The following NNMT variants were observed in gnomAD, a reference collection of about 807,000 sequenced individuals.
NNMT encodes the protein nicotinamide N-methyltransferase.
In NNMT, 10 loss-of-function variants were observed where a neutral mutation model predicts 11.7. That is an observed-to-expected ratio of 0.85 (90% CI 0.53 to 1.45). The LOEUF (loss-of-function observed/expected upper bound fraction) is 1.45, where lower values mean the gene tolerates loss of function less well. NNMT is among the 40% of genes most tolerant of loss of function. NNMT has a pLI of 0.00. For synonymous variants in NNMT, 143 were observed against 133.8 expected, an observed-to-expected ratio of 1.07 and a Z score of -0.48; for missense variants, 381 against 319.4, an observed-to-expected ratio of 1.19 and a Z score of -1.47.
chr11:114,304,222 C>G (rs190852682), intron 2 of NNMT, among the ~76,000 whole-genome samples: 1 of 152,142 alleles, frequency 6.6e-6, no homozygotes, highest in East Asian at 1.9e-4. Context: ...GACAACACAC[C>G]TTGCCAAAGT....
At chr11:114,310,716 G>T (rs535169988) in intron 2 of NNMT, among the ~76,000 whole-genome samples, 1 of 152,324 alleles carries the variant, frequency 6.6e-6, no homozygotes, top group African/African-American at 2.4e-5. Flanking sequence ...ACAATGCTTT[G>T]CTGGTTAACT....
chr11:114,274,949 T>A (rs1945203915), intron 2 of NNMT, among the ~76,000 whole-genome samples: 1 of 152,160 alleles, frequency 6.6e-6, no homozygotes, highest in Non-Finnish European at 1.5e-5. Context: ...ATCGCTGGGA[T>A]TGGAGTTGGG....
intron 2 of NNMT, among the ~76,000 whole-genome samples, chr11:114,306,499 T>G (rs1289984594): frequency 1.3e-5 from 2 of 152,234 alleles, no homozygotes; most frequent in Non-Finnish European, 2.9e-5. Context: ...ATTTAAGTCT[T>G]TAATCCATCT....
At chr11:114,293,987 C>T (rs777974673), upstream of NNMT, among the ~76,000 whole-genome samples, 75 of 152,230 alleles carry the variant, frequency 4.9e-4, no homozygotes, top group Non-Finnish European at 9.6e-4. Flanking sequence ...TTTGCAATAA[C>T]ATGGATGGAA....
chr11:114,277,385 T>C (rs1945221918), intron 2 of NNMT, among the ~76,000 whole-genome samples: 1 of 152,234 alleles, frequency 6.6e-6, no homozygotes, highest in African/African-American at 2.4e-5. Context: ...GCTGACTTTA[T>C]ATATATGCAT....
chr11:114,277,084 G>T (rs548235989), intron 2 of NNMT, among the ~76,000 whole-genome samples: 1 of 152,036 alleles, frequency 6.6e-6, no homozygotes, highest in African/African-American at 2.4e-5. Flanking sequence ...ATTAGCTGGC[G>T]TTGGGGCTCA....
In NNMT at chr11:114,312,173, T is replaced by C. The variant is rs1482391482; in HGVS notation, c.491T>C (p.Leu164Pro). The C allele has an allele frequency of 6.2e-6, 10 of 1,614,112 alleles. No individual in the cohort carries two copies. In the Admixed American group the frequency reaches 1.3e-4, roughly 22 times the overall value. ...CCGGCTGACTGCGTGCTCAGCACAC[T>C]GTGTCTGGATGCCGCCTGCCCAGAC... ...LPPADCVLST[L>P]CLDAACPDLP... The change falls in exon 3 of 3, where the codon CTG becomes CCG. Residue 164 changes from leucine to proline, a missense_variant. Transcript: ENST00000299964.
intron 1 of NNMT, among the ~76,000 whole-genome samples, chr11:114,262,419 T>C (rs1945090538): frequency 6.6e-6 from 1 of 152,098 alleles, no homozygotes; most frequent in Non-Finnish European, 1.5e-5. Flanking sequence ...TGTGTTCTCA[T>C]TGTTCAGCTC....
chr11:114,312,399 G>T lies in NNMT; in HGVS notation c.717G>T (p.Ser239=), dbSNP rs143619391. 179 of 1,614,222 alleles carry T rather than the reference G, an allele frequency of 1.1e-4. No homozygotes were observed. The highest frequency in any genetic ancestry group is 1.6e-4 in the Middle Eastern group (1 of 6,062). ...GYTIEWFEVI[S]QSYSSTMANN... ...CAATCGAATGGTTTGAGGTGATCTC[G>T]CAAAGTTATTCTTCCACCATGGCCA... Residue 239 remains serine, a synonymous_variant, in exon 3 of 3, where the codon TCG becomes TCT. Transcript: ENST00000299964.
At chr11:114,294,921 A>G (rs968736599), upstream of NNMT, among the ~76,000 whole-genome samples, 6 of 152,232 alleles carry the variant, frequency 3.9e-5, no homozygotes, top group African/African-American at 1.2e-4. Flanking sequence ...CTTCCCAAAC[A>G]TGCTTTACTG....
At chr11:114,293,173 C>T (rs910907781), upstream of NNMT, among the ~76,000 whole-genome samples, 2 of 152,172 alleles carry the variant, frequency 1.3e-5, no homozygotes, top group African/African-American at 4.8e-5. Context: ...GTCTGTGCTC[C>T]AGCAGCAGTG....
At chr11:114,307,169 A>T (rs866382505) in intron 2 of NNMT, among the ~76,000 whole-genome samples, 5 of 152,170 alleles carry the variant, frequency 3.3e-5, no homozygotes, top group Non-Finnish European at 5.9e-5. Flanking sequence ...AGAAACCTTC[A>T]ACTAGCTATT....
upstream of NNMT, among the ~76,000 whole-genome samples, chr11:114,291,764 G>A (rs1945336905): frequency 6.6e-6 from 1 of 152,124 alleles, no homozygotes; most frequent in Admixed American, 6.5e-5. Context: ...TGTCAGCCCA[G>A]TGAGTTTCTG....
upstream of NNMT, chr11:114,296,134 G>A (rs1352337324): frequency 6.4e-6 from 1 of 155,148 alleles, no homozygotes; most frequent in African/African-American, 2.4e-5. Context: ...TGGCAAGAAC[G>A]AGAAGAATGA....
chr11:114,309,998 A>G (rs575912386), intron 2 of NNMT, among the ~76,000 whole-genome samples: 2 of 152,340 alleles, frequency 1.3e-5, no homozygotes, highest in South Asian at 2.1e-4. Flanking sequence ...CATTATATGT[A>G]TATATCACAT....
intron 2 of NNMT, among the ~76,000 whole-genome samples, chr11:114,270,857 C>T (rs1393743311): frequency 2.0e-5 from 3 of 152,022 alleles, no homozygotes; most frequent in African/African-American, 7.3e-5. Flanking sequence ...TCACTGCAAC[C>T]TTTGCCTCTC....
chr11:114,260,858 G>C (rs1026272998), intron 1 of NNMT, among the ~76,000 whole-genome samples: 4 of 152,188 alleles, frequency 2.6e-5, no homozygotes, highest in African/African-American at 7.2e-5. Flanking sequence ...ATTCAGTCGA[G>C]GGGACCTGGG....
At chr11:114,261,578 C>T (rs1472783224) in intron 1 of NNMT, among the ~76,000 whole-genome samples, 1 of 150,920 alleles carries the variant, frequency 6.6e-6, no homozygotes, top group Non-Finnish European at 1.5e-5. Flanking sequence ...GAGCGAAACT[C>T]CATCTCAAAA....
chr11:114,267,446 T>C (rs552563380), intron 2 of NNMT, among the ~76,000 whole-genome samples: 1 of 152,324 alleles, frequency 6.6e-6, no homozygotes, highest in African/African-American at 2.4e-5. Context: ...GAACTGTGCT[T>C]GCCACACAAT....
Sources: allele counts gnomAD v4.1 joint callset (sites outside exome capture counted in the v4.1 genomes callset), GRCh38; gene constraint gnomAD v4.1.1; transcripts MANE v1.5; gene names NCBI Gene and HGNC (gene_info 2026-07-23, HGNC 2026-07-21).